The following HEMK2 variants were observed in gnomAD, a reference collection of about 807,000 sequenced individuals.
HEMK2 encodes HemK methyltransferase 2, ETF1 glutamine and histone H4 lysine, also known as methyltransferase HEMK2.
At chr21:28,756,962 T>C in the HEMK2 span, among the ~76,000 whole-genome samples, 2 of 152,230 alleles carry the variant, frequency 1.3e-5, no homozygotes, top group Admixed American at 6.5e-5. Flanking sequence ...TGTTCTATCA[T>C]TCATTGCAAA....
At chr21:28,723,401 A>G in the HEMK2 span, among the ~76,000 whole-genome samples, 1 of 152,180 alleles carries the variant, frequency 6.6e-6, no homozygotes, top group Non-Finnish European at 1.5e-5. Flanking sequence ...TACACAGGGA[A>G]GCCTGGATTA....
At chr21:28,866,175 A>AAAACAAAAAAAC in the HEMK2 span, among the ~76,000 whole-genome samples, 23 of 76,248 alleles carry the variant, frequency 3.0e-4, no homozygotes, top group African/African-American at 1.2e-3. Flanking sequence ...CAAAAAAAAA[A>AAAACAAAAAAAC]ACACACACAC....
chr21:28,663,866 G>A, the HEMK2 span, among the ~76,000 whole-genome samples: 13 of 152,216 alleles, frequency 8.5e-5, no homozygotes, highest in East Asian at 1.9e-4. Context: ...TCAAGAGAGC[G>A]GGCATCTCTT....
At chr21:28,596,029 C>T in the HEMK2 span, among the ~76,000 whole-genome samples, 2 of 150,028 alleles carry the variant, frequency 1.3e-5, no homozygotes, top group African/African-American at 4.9e-5. Flanking sequence ...CATGATCTGC[C>T]CGCCTTGGCC....
At chr21:28,617,789 C>A in the HEMK2 span, among the ~76,000 whole-genome samples, 1 of 54,612 alleles carries the variant, frequency 1.8e-5, no homozygotes, top group African/African-American at 7.9e-5. Flanking sequence ...TTCTTGACTG[C>A]CTTTTTTTTT....
At chr21:28,740,988 T>C in the HEMK2 span, among the ~76,000 whole-genome samples, 1 of 152,194 alleles carries the variant, frequency 6.6e-6, no homozygotes, top group Non-Finnish European at 1.5e-5. Context: ...TCTAATACAA[T>C]TACTACTATA....
At chr21:28,849,975 A>G in the HEMK2 span, among the ~76,000 whole-genome samples, 1 of 152,176 alleles carries the variant, frequency 6.6e-6, no homozygotes, top group Non-Finnish European at 1.5e-5. Flanking sequence ...TCCTAACCTA[A>G]CTAGAGAGGA....
chr21:28,663,699 T>A, the HEMK2 span, among the ~76,000 whole-genome samples: 1 of 152,258 alleles, frequency 6.6e-6, no homozygotes, highest in South Asian at 2.1e-4. Context: ...GTTATTGTCA[T>A]TGATGACGTT....
At chr21:28,740,445 G>A in the HEMK2 span, among the ~76,000 whole-genome samples, 4 of 152,302 alleles carry the variant, frequency 2.6e-5, no homozygotes, top group South Asian at 2.1e-4. Flanking sequence ...GCAGATTTCA[G>A]CCTACTTTAC....
At chr21:28,860,302 G>C in the HEMK2 span, among the ~76,000 whole-genome samples, 1 of 151,926 alleles carries the variant, frequency 6.6e-6, no homozygotes, top group African/African-American at 2.4e-5. Context: ...TTTCTCCCCT[G>C]CTGGATGCTT....
chr21:28,730,395 C>CAGACACACACACAA, the HEMK2 span, among the ~76,000 whole-genome samples: 4 of 142,832 alleles, frequency 2.8e-5, no homozygotes, highest in South Asian at 8.7e-4. Flanking sequence ...CACACACACA[C>CAGACACACACACAA]ACACACACAC....
At chr21:28,724,467 A>G in the HEMK2 span, among the ~76,000 whole-genome samples, 1 of 152,248 alleles carries the variant, frequency 6.6e-6, no homozygotes, top group Non-Finnish European at 1.5e-5. Context: ...ATGAAAGCTA[A>G]GGGGGAAAAC....
chr21:28,674,181 C>T, the HEMK2 span, among the ~76,000 whole-genome samples: 1 of 152,170 alleles, frequency 6.6e-6, no homozygotes, highest in African/African-American at 2.4e-5. Context: ...TGACAGTTTA[C>T]AGATGCCATG....
chr21:28,854,687 G>GA, the HEMK2 span, among the ~76,000 whole-genome samples: 1 of 152,188 alleles, frequency 6.6e-6, no homozygotes, highest in Non-Finnish European at 1.5e-5. Flanking sequence ...CAGCACAGGA[G>GA]AAAGATGCAG....
At chr21:28,860,939 C>G in the HEMK2 span, among the ~76,000 whole-genome samples, 55 of 152,248 alleles carry the variant, frequency 3.6e-4, 1 homozygote, top group African/African-American at 1.3e-3. Flanking sequence ...TGTGAATGAG[C>G]TGGAAATGCC....
chr21:28,831,470 A>AGAAG, the HEMK2 span, among the ~76,000 whole-genome samples: 5 of 37,480 alleles, frequency 1.3e-4, no homozygotes, highest in South Asian at 8.6e-4. Flanking sequence ...AACGAAAGAA[A>AGAAG]GAAAGAAAGA....
At chr21:28,870,829 A>G in the HEMK2 span, among the ~76,000 whole-genome samples, 9 of 152,222 alleles carry the variant, frequency 5.9e-5, no homozygotes, top group Non-Finnish European at 1.2e-4. Context: ...AAGATTAGCT[A>G]TATCATATTG....
the HEMK2 span, among the ~76,000 whole-genome samples, chr21:28,679,214 T>C: frequency 1.3e-5 from 2 of 151,374 alleles, no homozygotes; most frequent in Non-Finnish European, 2.9e-5. Context: ...ACCAAGCAAA[T>C]GGAAAACAAA....
At chr21:28,594,021 T>C in the HEMK2 span, among the ~76,000 whole-genome samples, 1 of 152,214 alleles carries the variant, frequency 6.6e-6, no homozygotes. Flanking sequence ...ATAAGTGACA[T>C]TGATAGCATT....
Sources: gnomAD v4.1 joint callset for allele counts (sites outside exome capture counted in the v4.1 genomes callset) on GRCh38, gnomAD v4.1.1 for gene constraint, MANE v1.5 for transcripts, NCBI Gene and HGNC (gene_info 2026-07-23, HGNC 2026-07-21) for gene names.